BPIFB1: variants seen among roughly 807,000 people sequenced by gnomAD.
BPIFB1 encodes BPI fold-containing family B member 1.
In BPIFB1, 34 loss-of-function variants were observed where a neutral mutation model predicts 55.1. That is an observed-to-expected ratio of 0.62 (90% confidence interval 0.47 to 0.82). The LOEUF (loss-of-function observed/expected upper bound fraction) is 0.82. Ranked by LOEUF, BPIFB1 falls within the 40% of genes least tolerant of loss-of-function variation. BPIFB1 has a pLI of 0.00. For synonymous variants in BPIFB1, 236 were observed against 245.3 expected (o/e 0.96, Z 0.35); for missense variants, 532 against 593.1 (o/e 0.90, Z 1.07).
At chr20:33,303,331 A>C (rs1224290600) in intron 11 of BPIFB1, among the ~76,000 whole-genome samples, 1 of 152,182 alleles carries the variant, frequency 6.6e-6, no homozygotes, top group Non-Finnish European at 1.5e-5. Flanking sequence ...ATAACTAAAA[A>C]GTCTAGATGC....
At chr20:33,298,080 G>C (rs1980711670) in intron 7 of BPIFB1, among the ~76,000 whole-genome samples, 1 of 152,126 alleles carries the variant, frequency 6.6e-6, no homozygotes, top group Admixed American at 6.5e-5. Context: ...ACAGACAGAA[G>C]ATGCTAAGAT....
At position 33,309,819 on chromosome 20, in the gene BPIFB1, G is replaced by T. The variant is rs956264519; in HGVS notation, c.*52G>T. 6.6e-7 allele frequency: 1 copy of T among 1,504,016 alleles called. No homozygotes were observed. The allele number at this position is 1,504,016 out of a possible 1,614,324, so 93.2% of individuals were successfully genotyped here. Reference sequence around the variant, plus strand: ...GGCTGGGTCCCAGCTGGGAGTATGGGTGTGAGCTCTATAGACCATCCCTCT... The same window carrying T: ...GGCTGGGTCCCAGCTGGGAGTATGGTTGTGAGCTCTATAGACCATCCCTCT... On this transcript the variant is annotated 3_prime_UTR_variant, in exon 16 of 16. Coordinates refer to ENST00000253354, the MANE Select transcript of BPIFB1 (RefSeq NM_033197.3). This position sits in a 1 kb window ranked among gnomAD's most constrained non-coding sequence, Gnocchi z 4.4.
At position 33,309,786 on chromosome 20, in the gene BPIFB1, T is replaced by C. The variant is rs73611706; in HGVS notation, c.*19T>C. Reference sequence around the variant, plus strand: ...CCAGTGAAGACTTGGATGGCAGCCATCAGGGAAGGCTGGGTCCCAGCTGGG... The same window carrying C: ...CCAGTGAAGACTTGGATGGCAGCCACCAGGGAAGGCTGGGTCCCAGCTGGG... On this transcript the variant is annotated 3_prime_UTR_variant, in exon 16 of 16. Coordinates refer to ENST00000253354, the MANE Select transcript of BPIFB1 (RefSeq NM_033197.3). This position sits in a 1 kb window ranked among gnomAD's most constrained non-coding sequence, Gnocchi z 4.4. 28,725 of 1,611,524 alleles carry C rather than the reference T, an allele frequency of 0.018. 2,663 individuals are homozygous for C. In the Admixed American group the frequency reaches 0.24, roughly 13 times the overall value.
chr20:33,299,121 C>T (rs1980758170), intron 7 of BPIFB1: 1 of 456,472 alleles, frequency 2.2e-6, no homozygotes, highest in African/African-American at 2.0e-5. Context: ...GACGAGGAAA[C>T]AGATTCAGAC....
At chr20:33,284,726 G>A (rs902653234) in intron 1 of BPIFB1, among the ~76,000 whole-genome samples, 23 of 152,138 alleles carry the variant, frequency 1.5e-4, no homozygotes, top group East Asian at 1.9e-4. Context: ...ATGGGGGGCT[G>A]GCAGACAGAG....
chr20:33,290,965 T>C lies in BPIFB1; in HGVS notation c.374T>C (p.Val125Ala). The change falls in exon 5 of 16, where the codon GTC becomes GCC. Residue 125 changes from valine to alanine, a missense_variant. Physicochemically the swap from Val to Ala is moderately conservative, Grantham distance 64. Coordinates refer to ENST00000253354, the MANE Select transcript of BPIFB1 (RefSeq NM_033197.3). ...DMVAGFNTPL[V>A]KTIVEFHMTT... ...GTGCCTCCACCCGCTAGGCCCCTGG[T>C]CAAGACCATCGTGGAGTTCCACATG... The C allele has an allele frequency of 6.2e-7, 1 of 1,613,754 alleles. No homozygotes were observed. Among genetic ancestry groups the C allele is most frequent in the Non-Finnish European group, 8.5e-7 (1 of 1,179,990 alleles).
intron 6 of BPIFB1, among the ~76,000 whole-genome samples, chr20:33,293,773 TG>T (rs1008863336): frequency 9.2e-5 from 14 of 152,164 alleles, no homozygotes; most frequent in African/African-American, 3.4e-4. Flanking sequence ...TCTAGGATGT[TG>T]AGGCTGCAGT....
At chr20:33,291,504 TCACCCGTAAAG>T (rs1980471326) in intron 5 of BPIFB1, among the ~76,000 whole-genome samples, 1 of 152,202 alleles carries the variant, frequency 6.6e-6, no homozygotes. Context: ...CTCACTTTCC[TCACCCGTAAAG>T]TGCAGGTAAT....
In BPIFB1 at chr20:33,289,994, T is replaced by A; in HGVS notation, c.365+2T>A. ...GGACATGGTGGCTGGATTCAACACG[T>A]GAGTGACCCCTCCATCAAGTACAGT... is the stretch of plus-strand genomic sequence containing the variant. On this transcript the variant is annotated splice_donor_variant, in intron 4 of 15. Transcript: ENST00000253354. LOFTEE classifies it high-confidence loss of function. 3 of 1,611,892 alleles carry A rather than the reference T, an allele frequency of 1.9e-6. No individual in the cohort carries two copies. The highest frequency in any genetic ancestry group is 2.5e-6 in the Non-Finnish European group (3 of 1,178,010).
At chr20:33,303,205 T>A in intron 11 of BPIFB1, 131 bp downstream of exon 11, 1 of 1,167,156 alleles carries the variant, frequency 8.6e-7, no homozygotes, top group Non-Finnish European at 1.2e-6. Flanking sequence ...GACAGGGAGC[T>A]CTGAACCAAG....
Position 33,301,407 on chromosome 20 carries a change from T to C in BPIFB1, c.922T>C (p.Ser308Pro). Reference protein sequence around the residue: ...SPEEFMVLLDSVLPESAHRLK... With the variant: ...SPEEFMVLLDPVLPESAHRLK... ...AGAAGAATTCATGGTCCTGTTGGAC[T>C]CTGTGGTAAACCTCAGCACAAGGCA... Residue 308 changes from serine (S) to proline (P), a missense_variant, in exon 9 of 16, where the codon TCT becomes CCT. Physicochemically the swap from Ser to Pro is moderately conservative, Grantham distance 74 (BLOSUM62 -1). Transcript: ENST00000253354. 6.2e-7 allele frequency: 1 copy of C among 1,613,222 alleles called. No individual in the cohort carries two copies. Among genetic ancestry groups the C allele is most frequent in the Non-Finnish European group, 8.5e-7 (1 of 1,179,566 alleles).
chr20:33,284,518 G>C (rs1309207848), intron 1 of BPIFB1, among the ~76,000 whole-genome samples: 4 of 152,186 alleles, frequency 2.6e-5, no homozygotes, highest in Non-Finnish European at 4.4e-5. Flanking sequence ...CTTGGTCAGG[G>C]AAGCAGAGGC....
intron 12 of BPIFB1, 83 bp from the exon 13 acceptor site, chr20:33,304,763 T>C: frequency 6.5e-7 from 1 of 1,540,674 alleles, no homozygotes; most frequent in Non-Finnish European, 9.0e-7. Context: ...ACATAATAGG[T>C]GCTCAATAAA....
chr20:33,286,079 C>A lies in BPIFB1; in HGVS notation c.6C>A (p.Ala2=). Residue 2 remains alanine, a synonymous_variant, in exon 2 of 16, where the codon GCC becomes GCA. Coordinates refer to ENST00000253354, the MANE Select transcript of BPIFB1 (RefSeq NM_033197.3). M[A]GPWTFTLLCG... ...GCCCTCTGACACCTGGGAAGATGGCCGGCCCGTGGACCTTCACCCTTCTCT... is the reference window on the plus strand; with the variant it reads ...GCCCTCTGACACCTGGGAAGATGGCAGGCCCGTGGACCTTCACCCTTCTCT... 6.2e-7 allele frequency: 1 copy of A among 1,614,120 alleles called. No individual in the cohort carries two copies. Among genetic ancestry groups the A allele is most frequent in the Non-Finnish European group, 8.5e-7 (1 of 1,179,982 alleles).
chr20:33,306,935 T>C lies in BPIFB1; in HGVS notation c.1343T>C (p.Val448Ala), dbSNP rs1981048855. ...QNGKLRSGVP[V>A]SLVKALGFEA... ...GGCAAATTAAGATCTGGGGTCCCAG[T>C]GTCATTGGTGAAGGCCTTGGGATTC... The change falls in exon 15 of 16, where the codon GTG (valine) becomes GCG (alanine). Residue 448 changes from valine (V) to alanine (A), a missense_variant. Val to Ala is a moderately conservative substitution (Grantham distance 64). Coordinates refer to ENST00000253354, the MANE Select transcript of BPIFB1 (RefSeq NM_033197.3). 6.2e-7 allele frequency: 1 copy of C among 1,614,154 alleles called. No individual in the cohort carries two copies. Among genetic ancestry groups the C allele is most frequent in the Non-Finnish European group, 8.5e-7 (1 of 1,179,940 alleles).
At chr20:33,290,863 A>C in intron 4 of BPIFB1, 94 bp from the exon 5 acceptor site, 1 of 1,363,822 alleles carries the variant, frequency 7.3e-7, no homozygotes, top group Non-Finnish European at 1.0e-6. Context: ...AGACTGAGGA[A>C]GGAGGTGAGG....
Position 33,309,845 on chromosome 20 carries a change from C to T in BPIFB1, c.*78C>T. 1 of 1,322,134 alleles carries T rather than the reference C, an allele frequency of 7.6e-7. No homozygotes were observed. 81.9% of individuals were successfully genotyped at this position (1,322,134 alleles called of 1,614,324 possible). A position where few individuals can be genotyped will look rare whatever the true frequency, so the allele number is the denominator to read the frequency against. On this transcript the variant is annotated 3_prime_UTR_variant, in exon 16 of 16. Transcript: ENST00000253354. This position sits in a 1 kb window ranked among gnomAD's most constrained non-coding sequence, Gnocchi z 4.4. ...TGTGAGCTCTATAGACCATCCCTCT[C>T]TGCAATCAATAAACACTTGCCTGTG...
In BPIFB1 at chr20:33,302,749, G is replaced by A. The variant is rs115161005; in HGVS notation, c.982-167G>A. 5.3e-4 allele frequency: 414 copies of A among 775,076 alleles called. 3 individuals carry two copies. In the African/African-American group the frequency reaches 6.8e-3, roughly 13 times the overall value. The allele number at this position is 775,076 out of a possible 1,614,324, so 48.0% of individuals were successfully genotyped here. The stretch of plus-strand genomic sequence containing the variant: ...GGAACAGGAGACCAAAGGCTGCCAG[G>A]TAGGGAGAACAACACAACATTCAAG... On this transcript the variant is annotated intron_variant, in intron 10 of 15. Coordinates refer to ENST00000253354, the MANE Select transcript of BPIFB1 (RefSeq NM_033197.3).
chr20:33,288,516 C>T (rs1258404533), intron 2 of BPIFB1, among the ~76,000 whole-genome samples: 1 of 152,168 alleles, frequency 6.6e-6, no homozygotes, highest in Non-Finnish European at 1.5e-5. Context: ...TGGTCCCAGC[C>T]TCGCTCCTGA....
Sources: gnomAD v4.1 joint callset for allele counts (sites outside exome capture counted in the v4.1 genomes callset) on GRCh38, gnomAD v4.1.1 for gene constraint, Gnocchi (gnomAD v3.1) non-coding constraint, MANE v1.5 for transcripts, NCBI Gene and HGNC (gene_info 2026-07-23, HGNC 2026-07-21) for gene names.